The following BRCC3 variants were observed in gnomAD, a reference collection of about 807,000 sequenced individuals.
The protein encoded by BRCC3 is BRCA1/BRCA2-containing complex subunit 3.
Under a neutral mutation model 28.0 loss-of-function variants are expected in BRCC3, and 15 were observed. The observed-to-expected ratio is 0.54, with a 90% CI of 0.36 to 0.82. The LOEUF is 0.82. BRCC3 is among the 40% of genes least tolerant of loss of function. BRCC3 has a pLI of 0.01. For synonymous variants in BRCC3, 66 were observed against 80.3 expected, an observed-to-expected ratio of 0.82 and a Z score of 0.95; for missense variants, 109 against 225.9, an observed-to-expected ratio of 0.48 and a Z score of 3.32.
At chrX:155,081,440 A>G (rs1281562368) in intron 5 of BRCC3, among the ~76,000 whole-genome samples, 1 of 111,544 alleles carries the variant, frequency 9.0e-6, no homozygotes, top group Non-Finnish European at 1.9e-5. Context: ...CCTTTTAAGA[A>G]GTAGTACCTT....
chrX:155,095,339 C>G (rs1311629417), intron 7 of BRCC3, among the ~76,000 whole-genome samples: 1 of 111,478 alleles, frequency 9.0e-6, no homozygotes, highest in Non-Finnish European at 1.9e-5. Flanking sequence ...TTGTTCTTGT[C>G]ACCCAGACTG....
At chrX:155,073,808 C>G (rs1390907620) in intron 3 of BRCC3, among the ~76,000 whole-genome samples, 2 of 111,126 alleles carry the variant, frequency 1.8e-5, no homozygotes, top group African/African-American at 6.6e-5. Flanking sequence ...AACAGGCAAA[C>G]TGACCATAGC....
intron 7 of BRCC3, among the ~76,000 whole-genome samples, chrX:155,110,543 A>G (rs1443772889): frequency 9.2e-6 from 1 of 108,981 alleles, no homozygotes; most frequent in Non-Finnish European, 1.9e-5. Context: ...TTCATTCCTT[A>G]CATTAGTAAT....
intron 6 of BRCC3, 70 bp from the exon 7 acceptor site, chrX:155,090,714 C>G (rs782327580): frequency 4.8e-5 from 40 of 826,252 alleles, no homozygotes; most frequent in Non-Finnish European, 6.2e-5. Context: ...TCTAGAGGGA[C>G]CTTTGGGGTC....
At chrX:155,077,630 C>G (rs1173162560) in intron 4 of BRCC3, among the ~76,000 whole-genome samples, 1 of 111,345 alleles carries the variant, frequency 9.0e-6, no homozygotes, top group Non-Finnish European at 1.9e-5. Context: ...AATTTCTAGG[C>G]CATTTACTAT....
intron 8 of BRCC3, 133 bp from the exon 9 acceptor site, chrX:155,116,578 C>G: frequency 2.4e-6 from 1 of 417,479 alleles, no homozygotes; most frequent in East Asian, 4.0e-5. Context: ...TCCCCCAAAT[C>G]ATCAAGAAGT....
intron 2 of BRCC3, among the ~76,000 whole-genome samples, chrX:155,073,022 T>G (rs1245628558): frequency 8.9e-6 from 1 of 112,247 alleles, no homozygotes; most frequent in South Asian, 3.7e-4. Context: ...ACCTCAGTGA[T>G]CTCAGAGATC....
intron 5 of BRCC3, 47 bp downstream of exon 5, chrX:155,078,750 T>C: frequency 2.1e-6 from 2 of 962,986 alleles, no homozygotes; most frequent in Non-Finnish European, 2.9e-6. Flanking sequence ...GAAATTAATA[T>C]CATGTTTCCT....
At chrX:155,071,697 G>A in intron 1 of BRCC3, 47 bp downstream of exon 1, 1 of 1,176,378 alleles carries the variant, frequency 8.5e-7, no homozygotes, top group Non-Finnish European at 1.1e-6. Context: ...AGCAGTCCCA[G>A]TGTGTCCCCG....
chrX:155,090,028 A>AGTAAC (rs1318736789), intron 6 of BRCC3, among the ~76,000 whole-genome samples: 1 of 112,395 alleles, frequency 8.9e-6, no homozygotes, highest in East Asian at 2.8e-4. Flanking sequence ...GGCTACTAAT[A>AGTAAC]GTAACAACTA....
rs782718144 is a variant in BRCC3 at position 155,092,111 on chromosome X, T to C, written c.548+1272T>C. Among the ~76,000 whole-genome samples, 13 of 111,868 alleles carry C rather than the reference T, an allele frequency of 1.2e-4. No individual in the cohort carries two copies. The South Asian group carries it at 4.4e-3, about 38-fold the overall frequency. On this transcript the variant is annotated intron_variant, in intron 7 of 10. Coordinates refer to ENST00000330045, the MANE Select transcript of BRCC3 (RefSeq NM_001018055.3). ...TTGATATCTCTAAATAATATACTTA[T>C]GATGTTCTTTCTTGATTTACCAGTT...
chrX:155,082,499 A>G (rs921158077), intron 5 of BRCC3, among the ~76,000 whole-genome samples: 2 of 112,326 alleles, frequency 1.8e-5, no homozygotes, highest in Non-Finnish European at 3.8e-5. Context: ...GAAAAATTTC[A>G]AGAATAGTAT....
intron 1 of BRCC3, 120 bp downstream of exon 1, chrX:155,071,770 G>C (rs994041296): frequency 1.7e-5 from 14 of 845,939 alleles, no homozygotes; most frequent in South Asian, 2.5e-5. Flanking sequence ...TAGGTCCTTG[G>C]ACACCCTTTA....
rs5945291 is a variant in BRCC3 at position 155,109,716 on chromosome X, C to T, written c.549-6341C>T. 6.0e-3 allele frequency among the ~76,000 whole-genome samples: 668 copies of T among 111,635 alleles called. 2 individuals are homozygous for T. The highest frequency in any genetic ancestry group is 0.02 in the African/African-American group (607 of 30,874). On this transcript the variant is annotated intron_variant, in intron 7 of 10. Coordinates refer to ENST00000330045, the MANE Select transcript of BRCC3 (RefSeq NM_001018055.3). Reference sequence around the variant, plus strand: ...TTTCTATGTAAACAGTCATGTCTTCCATAAACAAGGGCAATTTAATTTCAC... The same window carrying T: ...TTTCTATGTAAACAGTCATGTCTTCTATAAACAAGGGCAATTTAATTTCAC...
intron 3 of BRCC3, among the ~76,000 whole-genome samples, chrX:155,075,888 T>C (rs2074036857): frequency 8.9e-6 from 1 of 112,168 alleles, no homozygotes; most frequent in African/African-American, 3.2e-5. Context: ...GTTGGGTAAG[T>C]TGTCTCCCAG....
intron 9 of BRCC3, 117 bp downstream of exon 9, chrX:155,116,871 G>T: frequency 2.0e-6 from 1 of 501,512 alleles, no homozygotes; most frequent in South Asian, 3.8e-5. Flanking sequence ...TTGTCTTCAG[G>T]CTTCCTTTCC....
In BRCC3 at chrX:155,109,777, A is replaced by G. The variant is rs782471031; in HGVS notation, c.549-6280A>G. Reference sequence around the variant, plus strand: ...CTTTACACCTTTTTATTTCTCTTTCATGCCTTATTATACTGTCTCAGTCTT... The same window carrying G: ...CTTTACACCTTTTTATTTCTCTTTCGTGCCTTATTATACTGTCTCAGTCTT... On this transcript the variant is annotated intron_variant, in intron 7 of 10. Coordinates refer to ENST00000330045, the MANE Select transcript of BRCC3 (RefSeq NM_001018055.3). 2.7e-5 allele frequency among the ~76,000 whole-genome samples: 3 copies of G among 111,451 alleles called. No individual in the cohort carries two copies. In the East Asian group the frequency reaches 8.4e-4, roughly 31 times the overall value.
intron 1 of BRCC3, 136 bp downstream of exon 1, chrX:155,071,786 C>T: frequency 1.3e-6 from 1 of 740,911 alleles, no homozygotes; most frequent in Non-Finnish European, 1.9e-6. Context: ...CTTTACATAG[C>T]TCTGTCGCGG....
At position 155,071,576 on chromosome X, in the gene BRCC3, G is replaced by C; in HGVS notation, c.49G>C (p.Asp17His). 1 of 1,209,509 alleles carries C rather than the reference G, an allele frequency of 8.3e-7. No homozygotes were observed. ...GGTGCAGGCGGTTCATCTCGAGTCTGACGCTTTCCTCGTTTGTCTCAACCA... is the reference window on the plus strand; with the variant it reads ...GGTGCAGGCGGTTCATCTCGAGTCTCACGCTTTCCTCGTTTGTCTCAACCA... ...QAVQAVHLES[D>H]AFLVCLNHAL... Residue 17 changes from aspartate to histidine, a missense_variant, in exon 1 of 11, where the codon GAC becomes CAC. Physicochemically the swap from Asp to His is moderately conservative, Grantham distance 81. Coordinates refer to ENST00000330045, the MANE Select transcript of BRCC3 (RefSeq NM_001018055.3).
Sources: gnomAD v4.1 joint callset for allele counts (sites outside exome capture counted in the v4.1 genomes callset) on GRCh38, gnomAD v4.1.1 for gene constraint, MANE v1.5 for transcripts, NCBI Gene and HGNC (gene_info 2026-07-23, HGNC 2026-07-21) for gene names.